Variants in NCALD observed in about 807,000 individuals in gnomAD.
The protein encoded by NCALD is neurocalcin-delta.
A neutral mutation model predicts 18.6 loss-of-function variants in NCALD; 10 were observed. The ratio of observed to expected loss-of-function variants is 0.54; its 90% confidence interval spans 0.33 to 0.91. The LOEUF (loss-of-function observed/expected upper bound fraction) is 0.91. Ranked by LOEUF, NCALD falls within the 40% of genes least tolerant of loss-of-function variation. The pLI is 0.03. For missense variants in NCALD, 184 were observed against 247.6 expected, an observed-to-expected ratio of 0.74 and a Z score of 1.72; for synonymous variants, 88 against 87.4, an observed-to-expected ratio of 1.01 and a Z score of -0.04.
At chr8:101,924,461 T>C (rs1053044419) in intron 2 of NCALD, among the ~76,000 whole-genome samples, 3 of 152,234 alleles carry the variant, frequency 2.0e-5, no homozygotes, top group African/African-American at 7.2e-5. Context: ...AATTTGCAGT[T>C]CAGAATCCAA....
chr8:102,113,079 G>A (rs1486355578), intron 1 of NCALD, among the ~76,000 whole-genome samples: 5 of 151,902 alleles, frequency 3.3e-5, no homozygotes, highest in Admixed American at 3.3e-4. Flanking sequence ...TTCAAACAAT[G>A]GAAACAGAAA....
rs1008801806 is a variant in NCALD at position 101,689,488 on chromosome 8, G to A, written c.485-82C>T. 9.2e-5 allele frequency: 101 copies of A among 1,103,246 alleles called. No homozygotes were observed. Among genetic ancestry groups the A allele is most frequent in the Admixed American group, 1.3e-4 (6 of 47,620 alleles). The allele number at this position is 1,103,246 out of a possible 1,614,324, so 68.3% of individuals were successfully genotyped here. A position where few individuals can be genotyped will look rare whatever the true frequency, so the allele number is the denominator to read the frequency against. On this transcript the variant is annotated intron_variant, in intron 3 of 3. Coordinates refer to ENST00000220931, the MANE Select transcript of NCALD (RefSeq NM_032041.3). This position sits in a 1 kb window ranked among gnomAD's most constrained non-coding sequence, Gnocchi z 4.4. ...CCTTCCCACTACTGCGTGCTGGGCAGTGTCGATTCACCTGCCTGCAGCCTC... is the reference window on the plus strand; with the variant it reads ...CCTTCCCACTACTGCGTGCTGGGCAATGTCGATTCACCTGCCTGCAGCCTC...
intron 4 of NCALD, among the ~76,000 whole-genome samples, chr8:101,807,657 A>G (rs1044301413): frequency 2.0e-5 from 3 of 152,194 alleles, no homozygotes; most frequent in African/African-American, 7.2e-5. Flanking sequence ...AGGCACATAC[A>G]AACTGTTAGA....
chr8:101,701,647 G>A (rs1454759029), intron 2 of NCALD, among the ~76,000 whole-genome samples: 1 of 152,202 alleles, frequency 6.6e-6, no homozygotes, highest in Non-Finnish European at 1.5e-5. Flanking sequence ...ATTGATCAAG[G>A]TTGTGCAATT....
intron 1 of NCALD, among the ~76,000 whole-genome samples, chr8:102,059,773 C>G (rs1823776542): frequency 6.6e-6 from 1 of 152,168 alleles, no homozygotes; most frequent in Non-Finnish European, 1.5e-5. Flanking sequence ...ACCCCACTCC[C>G]TGTCCCAGTC....
intron 1 of NCALD, among the ~76,000 whole-genome samples, chr8:102,034,227 C>A (rs773701236): frequency 3.9e-5 from 6 of 152,104 alleles, no homozygotes; most frequent in Non-Finnish European, 5.9e-5. Context: ...ACAATTTAGT[C>A]TTTTAAGTTA....
intron 1 of NCALD, among the ~76,000 whole-genome samples, chr8:102,045,673 T>C (rs1042830549): frequency 1.3e-4 from 20 of 152,062 alleles, no homozygotes; most frequent in Non-Finnish European, 2.5e-4. Context: ...AACAAAAAAA[T>C]TCATTGTGAC....
intron 4 of NCALD, among the ~76,000 whole-genome samples, chr8:101,819,567 G>A (rs1234775720): frequency 6.6e-6 from 1 of 151,802 alleles, no homozygotes; most frequent in Admixed American, 6.6e-5. Context: ...TACTATATAA[G>A]CGCTACATTG....
rs145835889 is a variant in NCALD, at chr8:102,000,064, C to T, written c.-157+20173G>A. The stretch of plus-strand genomic sequence containing the variant: ...AGGACAGTGGGTCCAGCGCACCGAG[C>T]GTGAGCCGAAGCAGGGCGAGGCATT... On this transcript the variant is annotated intron_variant, in intron 2 of 6. Coordinates refer to the NCALD transcript ENST00000311028. Among the ~76,000 whole-genome samples the T allele has an allele frequency of 7.6e-3, 1,164 of 152,278 alleles. 17 individuals carry two copies. The highest frequency in any genetic ancestry group is 0.026 in the African/African-American group (1,090 of 41,558).
At chr8:101,784,975 A>T (rs770812880) in intron 1 of NCALD, among the ~76,000 whole-genome samples, 16 of 152,196 alleles carry the variant, frequency 1.1e-4, no homozygotes, top group Non-Finnish European at 1.6e-4. Context: ...CAACAAAACG[A>T]TGTTGAATGA....
chr8:102,046,226 G>T (rs1458071935), intron 1 of NCALD, among the ~76,000 whole-genome samples: 1 of 152,120 alleles, frequency 6.6e-6, no homozygotes, highest in African/African-American at 2.4e-5. Context: ...GGTCCCACTA[G>T]AAAAAAACTC....
chr8:102,103,882 G>A (rs963407428), intron 1 of NCALD, among the ~76,000 whole-genome samples: 23 of 152,174 alleles, frequency 1.5e-4, no homozygotes, highest in Non-Finnish European at 1.5e-4. Flanking sequence ...TAAGTGAGAA[G>A]GCAACTGCCT....
intron 2 of NCALD, among the ~76,000 whole-genome samples, chr8:101,960,720 C>A (rs1053141179): frequency 6.6e-6 from 1 of 152,140 alleles, no homozygotes; most frequent in African/African-American, 2.4e-5. Context: ...TCAAAACCCT[C>A]CATAGGCTTT....
intron 3 of NCALD, among the ~76,000 whole-genome samples, chr8:101,901,441 A>T (rs73280889): frequency 0.04 from 6,031 of 150,748 alleles, 283 homozygotes; most frequent in African/African-American, 0.11. Context: ...CTTTATTTTG[A>T]TTTTCTAGAC....
intron 1 of NCALD, among the ~76,000 whole-genome samples, chr8:102,066,841 C>T: frequency 6.6e-6 from 1 of 152,198 alleles, no homozygotes; most frequent in Non-Finnish European, 1.5e-5. Context: ...TGCACAGCCC[C>T]ACTCATGAAG....
chr8:101,700,097 G>A lies in NCALD; in HGVS notation c.379-7201C>T, dbSNP rs1393626670. ...ATTTTTTGAGAAAAGGTCTCATTCT[G>A]TTGCCCAAGCTGGAGTGCAGTGATG... On this transcript the variant is annotated intron_variant, in intron 2 of 3. Coordinates refer to ENST00000220931, the MANE Select transcript of NCALD (RefSeq NM_032041.3). Among the ~76,000 whole-genome samples the A allele has an allele frequency of 1.7e-4, 26 of 151,078 alleles. No individual in the cohort carries two copies. The Admixed American group carries it at 1.7e-3, about 10-fold the overall frequency.
At chr8:101,737,045 T>C (rs183492740) in intron 1 of NCALD, among the ~76,000 whole-genome samples, 190 of 152,292 alleles carry the variant, frequency 1.2e-3, no homozygotes, top group Non-Finnish European at 2.2e-3. Flanking sequence ...AATAAACTAA[T>C]TTTTAAAAAA....
At chr8:102,050,799 T>C (rs1015441748) in intron 1 of NCALD, among the ~76,000 whole-genome samples, 2 of 145,310 alleles carry the variant, frequency 1.4e-5, no homozygotes, top group Non-Finnish European at 3.0e-5. Flanking sequence ...TAATTTTTAA[T>C]TTAATTAATT....
intron 1 of NCALD, among the ~76,000 whole-genome samples, chr8:101,778,740 G>C (rs1443512683): frequency 6.6e-6 from 1 of 152,082 alleles, no homozygotes; most frequent in East Asian, 1.9e-4. Context: ...AGAGCTAAGG[G>C]ACCTAGTATC....
Sources: allele counts gnomAD v4.1 joint callset (sites outside exome capture counted in the v4.1 genomes callset), GRCh38; gene constraint gnomAD v4.1.1; non-coding constraint Gnocchi (gnomAD v3.1); transcripts MANE v1.5; gene names NCBI Gene and HGNC (gene_info 2026-07-23, HGNC 2026-07-21).